SNX29: variants seen among roughly 807,000 people sequenced by gnomAD.
SNX29 encodes the protein sorting nexin-29.
SNX29 carries 78 observed loss-of-function variants against 102.1 expected under a neutral mutation model. The observed-to-expected ratio is 0.76, with a 90% CI of 0.64 to 0.92. The LOEUF (loss-of-function observed/expected upper bound fraction) is 0.92. Among genes scored for constraint, SNX29 ranks in the 40% least tolerant of loss-of-function variants. The pLI is 0.00. For synonymous variants in SNX29, 580 were observed against 414.5 expected, an observed-to-expected ratio of 1.40 and a Z score of -4.85; for missense variants, 1,280 against 1,061.7, an observed-to-expected ratio of 1.21 and a Z score of -2.86.
chr16:12,213,113 C>G (rs1224289026), intron 14 of SNX29, among the ~76,000 whole-genome samples: 2 of 150,178 alleles, frequency 1.3e-5, no homozygotes, highest in Non-Finnish European at 1.5e-5. Flanking sequence ...GACTCTGTCT[C>G]AAAAAAAGAA....
At chr16:12,491,942 G>A (rs1282965170) in intron 19 of SNX29, among the ~76,000 whole-genome samples, 4 of 152,120 alleles carry the variant, frequency 2.6e-5, no homozygotes, top group Non-Finnish European at 4.4e-5. Context: ...TTGGACATTC[G>A]GGTTGGTTCC....
At chr16:12,565,626 C>A (rs550060934) in intron 20 of SNX29, among the ~76,000 whole-genome samples, 1 of 152,176 alleles carries the variant, frequency 6.6e-6, no homozygotes, top group East Asian at 1.9e-4. Flanking sequence ...GTGCCAGGCA[C>A]AGACATGTGA....
chr16:12,354,794 T>C (rs113753699), intron 15 of SNX29, among the ~76,000 whole-genome samples: 2,447 of 152,264 alleles, frequency 0.016, 55 homozygotes, highest in African/African-American at 0.056. Flanking sequence ...CCTTTTCTTA[T>C]CCAAAAGGAA....
At chr16:12,286,815 A>G (rs1322056926) in intron 15 of SNX29, among the ~76,000 whole-genome samples, 1 of 152,128 alleles carries the variant, frequency 6.6e-6, no homozygotes, top group African/African-American at 2.4e-5. Context: ...CTCTCATGGT[A>G]TTTTGAAGAA....
intron 15 of SNX29, among the ~76,000 whole-genome samples, chr16:12,306,864 A>C (rs142679371): frequency 2.0e-3 from 297 of 152,148 alleles, no homozygotes; most frequent in African/African-American, 6.8e-3. Flanking sequence ...TCTTTTGGGG[A>C]GGTGGGTAGA....
chr16:12,540,162 G>A lies in SNX29; in HGVS notation c.2318+15321G>A, dbSNP rs78050339. On this transcript the variant is annotated intron_variant, in intron 20 of 20. Transcript: ENST00000566228. The stretch of plus-strand genomic sequence containing the variant: ...TTTTATAGCTTTACATTTTAGATCT[G>A]CGATTCATTTTGAGTGGACTTTTGT... Among the ~76,000 whole-genome samples the A allele has an allele frequency of 4.0e-3, 609 of 152,204 alleles. 5 individuals are homozygous for A. The highest frequency in any genetic ancestry group is 0.014 in the African/African-American group (574 of 41,510).
At chr16:12,539,783 A>T (rs2077242008) in intron 20 of SNX29, among the ~76,000 whole-genome samples, 1 of 152,188 alleles carries the variant, frequency 6.6e-6, no homozygotes, top group Admixed American at 6.5e-5. Flanking sequence ...CTAATGAGTA[A>T]TGATGTTGAG....
Position 12,051,850 on chromosome 16 carries a change from C to G in SNX29, c.752C>G (p.Ala251Gly). Residue 251 changes from alanine to glycine, a missense_variant, in exon 8 of 21, where the codon GCC becomes GGC. By Grantham distance (60) the Ala-to-Gly change is moderately conservative. Coordinates refer to ENST00000566228, the MANE Select transcript of SNX29 (RefSeq NM_032167.5). The stretch of plus-strand genomic sequence containing the variant: ...TCTTTTTTTTTTTTTTTGCCAGATG[C>G]CAAATGCAAAAAGGAGCGGAAGAAG... ...PVVSRNVSAD[A>G]KCKKERKKKK... 6.3e-7 allele frequency: 1 copy of G among 1,590,666 alleles called. No homozygotes were observed. Among genetic ancestry groups the G allele is most frequent in the Non-Finnish European group, 8.5e-7 (1 of 1,173,578 alleles).
intron 15 of SNX29, among the ~76,000 whole-genome samples, chr16:12,324,324 C>G (rs572416469): frequency 6.6e-6 from 1 of 152,158 alleles, no homozygotes; most frequent in African/African-American, 2.4e-5. Context: ...GCATGAAGTC[C>G]CAGGAGGACT....
chr16:12,278,083 G>A (rs375347420), intron 15 of SNX29, 47 bp downstream of exon 15: 40 of 1,517,706 alleles, frequency 2.6e-5, no homozygotes, highest in African/African-American at 1.4e-4. Flanking sequence ...TGTTGGCTGC[G>A]TTGGAGACTT....
intron 19 of SNX29, among the ~76,000 whole-genome samples, chr16:12,487,644 C>T (rs2088313944): frequency 6.6e-6 from 1 of 152,194 alleles, no homozygotes; most frequent in South Asian, 2.1e-4. Flanking sequence ...CTACAGGTTT[C>T]AGCCGTAAAG....
chr16:12,466,553 C>T (rs1017911251), intron 18 of SNX29, among the ~76,000 whole-genome samples: 1 of 152,202 alleles, frequency 6.6e-6, no homozygotes, highest in East Asian at 1.9e-4. Context: ...AGAGTCGCGG[C>T]CTGTCTTCAG....
intron 15 of SNX29, among the ~76,000 whole-genome samples, chr16:12,287,106 C>G (rs16959126): frequency 6.6e-6 from 1 of 152,150 alleles, no homozygotes; most frequent in African/African-American, 2.4e-5. Flanking sequence ...TGGCTAAGCT[C>G]GGAGCTTTTC....
chr16:12,405,555 A>G (rs1467910757), intron 18 of SNX29, among the ~76,000 whole-genome samples: 1 of 152,112 alleles, frequency 6.6e-6, no homozygotes, highest in African/African-American at 2.4e-5. Flanking sequence ...CTTGCATGCA[A>G]TTATTTTTCT....
intron 5 of SNX29, among the ~76,000 whole-genome samples, chr16:12,046,065 C>T (rs889160617): frequency 3.3e-5 from 5 of 152,184 alleles, no homozygotes; most frequent in South Asian, 2.1e-4. Flanking sequence ...CTCTTGGGGA[C>T]GTTGCTTGAG....
chr16:12,504,143 G>GATT (rs1226093823), intron 19 of SNX29, among the ~76,000 whole-genome samples: 1 of 152,044 alleles, frequency 6.6e-6, no homozygotes, highest in Non-Finnish European at 1.5e-5. Flanking sequence ...TCCTATCGAT[G>GATT]GAATAGTATA....
At chr16:12,087,943 G>A (rs1179986582) in intron 11 of SNX29, 1 of 456,830 alleles carries the variant, frequency 2.2e-6, no homozygotes, top group Non-Finnish European at 4.4e-6. Flanking sequence ...CGCTTTTGAA[G>A]GAGGACCTGT....
chr16:12,152,711 G>A (rs1418304909), intron 13 of SNX29, among the ~76,000 whole-genome samples: 1 of 152,156 alleles, frequency 6.6e-6, no homozygotes, highest in African/African-American at 2.4e-5. Context: ...TACACCACAG[G>A]TCCCTGGAAC....
Position 12,222,572 on chromosome 16 carries a change from CTG to C in SNX29, c.1678+22891_1678+22892del, listed in dbSNP as rs1447119016. Among the ~76,000 whole-genome samples, 3 of 152,130 alleles carry C rather than the reference CTG, an allele frequency of 2.0e-5. No individual in the cohort carries two copies. The East Asian group carries it at 5.8e-4, about 29-fold the overall frequency. On this transcript the variant is annotated intron_variant, in intron 14 of 20. Transcript: ENST00000566228. ...GTGAAGCTTCACAGTTTGCAGAGTG[CTG>C]TCTTTTTTCTTTGAGACAGAGTCTC...
Sources: allele counts gnomAD v4.1 joint callset (sites outside exome capture counted in the v4.1 genomes callset), GRCh38; gene constraint gnomAD v4.1.1; transcripts MANE v1.5; gene names NCBI Gene and HGNC (gene_info 2026-07-23, HGNC 2026-07-21).